Variants in CSMD1 observed in about 807,000 individuals in gnomAD.
CSMD1 encodes the protein CUB and sushi domain-containing protein 1.
A neutral mutation model predicts 417.5 loss-of-function variants in CSMD1; 213 were observed. That is an observed-to-expected ratio of 0.51 (90% CI 0.46 to 0.57). CSMD1 has a LOEUF of 0.57. Among genes scored for constraint, CSMD1 ranks in the 20% least tolerant of loss-of-function variants. The probability of loss-of-function intolerance (pLI) is 0.00; values close to 1 mark genes in which losing one functional copy is unlikely to be tolerated. For synonymous variants in CSMD1, 2,862 were observed against 1,736.8 expected (o/e 1.65, Z -16.11); for missense variants, 6,923 against 4,529.7 (o/e 1.53, Z -15.17).
intron 1 of CSMD1, among the ~76,000 whole-genome samples, chr8:4,640,862 TAA>T (rs58055126): frequency 0.039 from 5,087 of 129,642 alleles, 198 homozygotes; most frequent in Admixed American, 0.1. Context: ...TAATTATTGC[TAA>T]AAAAAAAAAA....
intron 1 of CSMD1, among the ~76,000 whole-genome samples, chr8:4,730,914 C>G (rs981574188): frequency 1.3e-5 from 2 of 152,046 alleles, no homozygotes; most frequent in African/African-American, 2.4e-5. Flanking sequence ...TGCTTTGTTT[C>G]CAGTCATTCC....
intron 4 of CSMD1, among the ~76,000 whole-genome samples, chr8:3,998,747 A>G (rs558032442): frequency 2.4e-4 from 37 of 152,058 alleles, no homozygotes; most frequent in Admixed American, 7.9e-4. Context: ...GAAACTAACA[A>G]TTAAAAAATT....
At chr8:4,703,576 G>T (rs965815108) in intron 1 of CSMD1, among the ~76,000 whole-genome samples, 1 of 152,112 alleles carries the variant, frequency 6.6e-6, no homozygotes, top group Non-Finnish European at 1.5e-5. Flanking sequence ...ATTATGAAAA[G>T]TAATGAAAAC....
chr8:3,750,178 C>G (rs905662126), intron 6 of CSMD1, among the ~76,000 whole-genome samples: 7 of 152,082 alleles, frequency 4.6e-5, no homozygotes, highest in Non-Finnish European at 1.0e-4. Flanking sequence ...TCGTATCAAT[C>G]CAAGTAACAC....
chr8:3,268,530 C>A (rs1394483130), intron 26 of CSMD1, among the ~76,000 whole-genome samples: 1 of 151,884 alleles, frequency 6.6e-6, no homozygotes. Context: ...ACCTCATCCG[C>A]CCACCTCGGC....
At chr8:4,240,007 T>C (rs1371046509) in intron 3 of CSMD1, among the ~76,000 whole-genome samples, 2 of 152,252 alleles carry the variant, frequency 1.3e-5, no homozygotes, top group South Asian at 2.1e-4. Context: ...AGGCGTGTTC[T>C]GTGTTTTCAA....
At chr8:3,535,383 A>C (rs188944115) in intron 10 of CSMD1, among the ~76,000 whole-genome samples, 121 of 152,300 alleles carry the variant, frequency 7.9e-4, no homozygotes, top group African/African-American at 2.7e-3. Context: ...AATGGAAATA[A>C]AAGTGTGAAC....
At position 3,022,705 on chromosome 8, in the gene CSMD1, A is replaced by G. The variant is rs1264288234; in HGVS notation, c.7856-4055T>C. On this transcript the variant is annotated intron_variant, in intron 51 of 69. Coordinates refer to ENST00000635120, the MANE Select transcript of CSMD1 (RefSeq NM_033225.6). The stretch of plus-strand genomic sequence containing the variant: ...AAAAAAAAAAAAAAAAGCTAAATGA[A>G]CATGCAGACCTCCATGAAGAATAAA... Among the ~76,000 whole-genome samples, 7 of 151,866 alleles carry G rather than the reference A, an allele frequency of 4.6e-5. No homozygotes were observed. In the East Asian group the frequency reaches 1.2e-3, roughly 25 times the overall value.
intron 17 of CSMD1, among the ~76,000 whole-genome samples, chr8:3,394,055 T>TATAA (rs1811540289): frequency 8.9e-6 from 1 of 112,348 alleles, no homozygotes; most frequent in Admixed American, 9.3e-5. Flanking sequence ...TATATATATA[T>TATAA]AGAAAAAAAG....
At chr8:3,014,967 T>C (rs369672402) in intron 52 of CSMD1, among the ~76,000 whole-genome samples, 2 of 149,038 alleles carry the variant, frequency 1.3e-5, no homozygotes, top group East Asian at 3.9e-4. Flanking sequence ...TATTCCATAA[T>C]AAAGCTTCTT....
chr8:3,500,779 G>C (rs915047717), intron 10 of CSMD1, among the ~76,000 whole-genome samples: 1 of 152,174 alleles, frequency 6.6e-6, no homozygotes, highest in African/African-American at 2.4e-5. Flanking sequence ...AAGAACAGCA[G>C]AGTTGTAGGC....
chr8:3,530,556 C>G (rs780361965), intron 10 of CSMD1, among the ~76,000 whole-genome samples: 1 of 152,188 alleles, frequency 6.6e-6, no homozygotes, highest in African/African-American at 2.4e-5. Flanking sequence ...GAGTCTTGCT[C>G]TGTTCCCCAA....
At chr8:4,114,123 G>T (rs1003128772) in intron 3 of CSMD1, among the ~76,000 whole-genome samples, 1 of 152,200 alleles carries the variant, frequency 6.6e-6, no homozygotes, top group African/African-American at 2.4e-5. Context: ...ACTTTCATAG[G>T]AGGAAAGAGG....
chr8:4,931,293 A>G (rs918519117), intron 1 of CSMD1, among the ~76,000 whole-genome samples: 1 of 151,974 alleles, frequency 6.6e-6, no homozygotes, highest in South Asian at 2.1e-4. Flanking sequence ...TCTCCTTCTG[A>G]TCAGGACATA....
intron 3 of CSMD1, among the ~76,000 whole-genome samples, chr8:4,119,446 C>T (rs543738404): frequency 1.3e-5 from 2 of 152,160 alleles, no homozygotes; most frequent in African/African-American, 4.8e-5. Flanking sequence ...GTGTCATGGA[C>T]TGAATATCTG....
chr8:4,471,014 A>T (rs566067902), intron 2 of CSMD1, among the ~76,000 whole-genome samples: 1 of 152,282 alleles, frequency 6.6e-6, no homozygotes, highest in East Asian at 1.9e-4. Context: ...ATGTACGAGG[A>T]TTCTATGAAA....
At chr8:3,722,154 C>T (rs1002128983) in intron 6 of CSMD1, among the ~76,000 whole-genome samples, 1 of 151,988 alleles carries the variant, frequency 6.6e-6, no homozygotes, top group Admixed American at 6.6e-5. Context: ...ACTAAGAATG[C>T]AAAAATTAGC....
chr8:3,703,173 T>C (rs143972701), intron 7 of CSMD1, among the ~76,000 whole-genome samples: 1 of 152,240 alleles, frequency 6.6e-6, no homozygotes. Context: ...CTTCTCATTC[T>C]ACACTTAATG....
intron 9 of CSMD1, among the ~76,000 whole-genome samples, chr8:3,578,286 T>C (rs928938075): frequency 6.7e-6 from 1 of 149,688 alleles, no homozygotes; most frequent in Non-Finnish European, 1.5e-5. Flanking sequence ...GGGCTGAGCT[T>C]TGTACTGAGT....
Sources: allele counts gnomAD v4.1 joint callset (sites outside exome capture counted in the v4.1 genomes callset), GRCh38; gene constraint gnomAD v4.1.1; transcripts MANE v1.5; gene names NCBI Gene and HGNC (gene_info 2026-07-23, HGNC 2026-07-21).